Variants in TTLL11 observed in about 807,000 individuals in gnomAD.
TTLL11 encodes the protein tubulin tyrosine ligase like 11.
In TTLL11, 42 loss-of-function variants were observed where a neutral mutation model predicts 51.7. The observed-to-expected ratio is 0.81, with a 90% CI of 0.64 to 1.05. The LOEUF is 1.05. Among genes scored for constraint, TTLL11 ranks in the 50% least tolerant of loss-of-function variants. The probability of loss-of-function intolerance (pLI) is 0.00; values close to 1 mark genes in which losing one functional copy is unlikely to be tolerated. For missense variants in TTLL11, 799 were observed against 940.4 expected, an observed-to-expected ratio of 0.85 and a Z score of 1.97; for synonymous variants, 381 against 383.5, an observed-to-expected ratio of 0.99 and a Z score of 0.08.
intron 8 of TTLL11, among the ~76,000 whole-genome samples, chr9:121,838,617 G>T (rs1837248865): frequency 6.6e-6 from 1 of 152,168 alleles, no homozygotes; most frequent in African/African-American, 2.4e-5. Flanking sequence ...TACTCAGGAG[G>T]CTGAAGCACA....
chr9:121,879,925 A>C (rs1838717378), intron 6 of TTLL11, among the ~76,000 whole-genome samples: 1 of 152,176 alleles, frequency 6.6e-6, no homozygotes, highest in African/African-American at 2.4e-5. Context: ...GAGCTGTGCC[A>C]CTGCACTCCA....
chr9:121,861,197 C>T (rs1390255086), intron 7 of TTLL11, among the ~76,000 whole-genome samples: 1 of 151,824 alleles, frequency 6.6e-6, no homozygotes, highest in Admixed American at 6.6e-5. Flanking sequence ...AAGCAGTTCT[C>T]CCTACGTCTG....
intron 3 of TTLL11, among the ~76,000 whole-genome samples, chr9:122,009,218 G>A (rs1418019712): frequency 6.6e-6 from 1 of 152,030 alleles, no homozygotes; most frequent in Non-Finnish European, 1.5e-5. Context: ...ATATATGTGA[G>A]GTAATCTGCA....
At chr9:121,937,261 G>A (rs1477006666) in intron 6 of TTLL11, among the ~76,000 whole-genome samples, 2 of 152,168 alleles carry the variant, frequency 1.3e-5, no homozygotes, top group Non-Finnish European at 2.9e-5. Flanking sequence ...CTTTGTGCCA[G>A]ATACTGTGCT....
chr9:121,882,074 T>C (rs1352681409), intron 6 of TTLL11, among the ~76,000 whole-genome samples: 1 of 152,212 alleles, frequency 6.6e-6, no homozygotes, highest in Non-Finnish European at 1.5e-5. Flanking sequence ...TTCAGAGCCA[T>C]ACCTGGAACG....
Position 121,989,599 on chromosome 9 carries a change from G to T in TTLL11, c.865C>A (p.Leu289Ile). The T allele has an allele frequency of 6.2e-7, 1 of 1,614,128 alleles. No homozygotes were observed. The highest frequency in any genetic ancestry group is 8.5e-7 in the Non-Finnish European group (1 of 1,180,024). The change falls in exon 4 of 9, where the codon CTC (leucine) becomes ATC (isoleucine). Residue 289 changes from leucine (L) to isoleucine (I), a missense_variant. Coordinates refer to ENST00000321582, the MANE Select transcript of TTLL11 (RefSeq NM_001139442.2). This position sits in a 1 kb window ranked among gnomAD's most constrained non-coding sequence, Gnocchi z 4.2. ...AVVQEYICKPLLIDKLKFDIR... is the reference protein window; with the variant it reads ...AVVQEYICKPILIDKLKFDIR... The stretch of plus-strand genomic sequence containing the variant: ...TCAAACTTGAGCTTGTCGATAAGGA[G>T]AGGTTTGCAGATGTACTCCTGGACC...
At chr9:121,887,357 T>C (rs1839047892) in intron 6 of TTLL11, among the ~76,000 whole-genome samples, 1 of 152,060 alleles carries the variant, frequency 6.6e-6, no homozygotes, top group Non-Finnish European at 1.5e-5. Context: ...TCTCTGAAAT[T>C]GGTCCCTCTA....
intron 1 of TTLL11, among the ~76,000 whole-genome samples, chr9:122,064,131 A>T (rs889904806): frequency 6.6e-6 from 1 of 152,220 alleles, no homozygotes; most frequent in African/African-American, 2.4e-5. Context: ...TAATCTTTTT[A>T]AAATATTAAG....
intron 8 of TTLL11, among the ~76,000 whole-genome samples, chr9:121,847,207 C>CAA (rs56213031): frequency 4.0e-3 from 455 of 113,414 alleles, no homozygotes; most frequent in African/African-American, 0.013. Context: ...GACTCCGTCT[C>CAA]AAAAAAAAAA....
chr9:122,071,176 G>A (rs946778688), intron 1 of TTLL11, among the ~76,000 whole-genome samples: 1 of 152,178 alleles, frequency 6.6e-6, no homozygotes, highest in Non-Finnish European at 1.5e-5. Context: ...AGGAGAGGGC[G>A]TGCATGTGAA....
intron 6 of TTLL11, among the ~76,000 whole-genome samples, chr9:121,968,997 G>A (rs993025034): frequency 1.3e-5 from 2 of 151,850 alleles, no homozygotes; most frequent in African/African-American, 4.8e-5. Context: ...AGCCTCTCAA[G>A]TAGCTGGGAT....
chr9:122,058,858 G>A (rs1309127249), intron 1 of TTLL11, among the ~76,000 whole-genome samples: 1 of 152,200 alleles, frequency 6.6e-6, no homozygotes, highest in Admixed American at 6.5e-5. Flanking sequence ...TGATGGCCCA[G>A]CTCAGTTGGC....
chr9:121,988,949 T>G, intron 4 of TTLL11: 1 of 815,962 alleles, frequency 1.2e-6, no homozygotes, highest in Non-Finnish European at 1.8e-6. Flanking sequence ...CAAGAACCTT[T>G]TAAGATAGGT....
Position 121,966,212 on chromosome 9 carries a change from T to G in TTLL11, c.1481+7797A>C, listed in dbSNP as rs141542118. ...GGGGAGAGGATTGTGAAATGTTACA[T>G]GGAAAAAGGGGCTTCTGGGCCATAT... On this transcript the variant is annotated intron_variant, in intron 6 of 8. Coordinates refer to ENST00000321582, the MANE Select transcript of TTLL11 (RefSeq NM_001139442.2). 3.0e-4 allele frequency among the ~76,000 whole-genome samples: 45 copies of G among 152,252 alleles called. No homozygotes were observed. The East Asian group carries it at 8.1e-3, about 27-fold the overall frequency.
intron 1 of TTLL11, among the ~76,000 whole-genome samples, chr9:122,062,352 G>C (rs2131873863): frequency 6.6e-6 from 1 of 151,340 alleles, no homozygotes; most frequent in East Asian, 1.9e-4. Context: ...TATTTGATCT[G>C]ATAGATATGA....
intron 8 of TTLL11, among the ~76,000 whole-genome samples, chr9:121,854,321 A>T (rs939418157): frequency 6.6e-6 from 1 of 152,218 alleles, no homozygotes; most frequent in Non-Finnish European, 1.5e-5. Context: ...AGCATATGTC[A>T]GATAATAAAC....
Position 121,870,751 on chromosome 9 carries a change from G to A in TTLL11, c.1482-3C>T, listed in dbSNP as rs1324721234. The A allele has an allele frequency of 1.0e-5, 16 of 1,536,190 alleles. No homozygotes were observed. Among genetic ancestry groups the A allele is most frequent in the East Asian group, 4.9e-5 (2 of 40,684 alleles). ...ATGGTTTTTCAAGCTGCTGAGACCT[G>A]AAGCACACAAAGAATTAATGATATA... On this transcript the variant is annotated splice_polypyrimidine_tract_variant and splice_region_variant and intron_variant, in intron 6 of 8. Transcript: ENST00000321582.
At chr9:122,033,491 A>G (rs770340052) in intron 2 of TTLL11, among the ~76,000 whole-genome samples, 19 of 152,340 alleles carry the variant, frequency 1.2e-4, no homozygotes, top group Non-Finnish European at 2.4e-4. Flanking sequence ...GAGACCAAAC[A>G]GTTCCATTAC....
intron 1 of TTLL11, among the ~76,000 whole-genome samples, chr9:122,055,557 C>A (rs994572339): frequency 1.3e-5 from 2 of 152,192 alleles, no homozygotes; most frequent in Non-Finnish European, 2.9e-5. Context: ...TTTGGCAACA[C>A]ACTCACAGAC....
Sources: allele counts gnomAD v4.1 joint callset (sites outside exome capture counted in the v4.1 genomes callset), GRCh38; gene constraint gnomAD v4.1.1; non-coding constraint Gnocchi (gnomAD v3.1); transcripts MANE v1.5; gene names NCBI Gene and HGNC (gene_info 2026-07-23, HGNC 2026-07-21).